The following HDAC7 variants were observed in gnomAD, a reference collection of about 807,000 sequenced individuals.
The protein encoded by HDAC7 is histone deacetylase 7, also known as histone deacetylase 7A.
Under a neutral mutation model 115.5 loss-of-function variants are expected in HDAC7, and 26 were observed. The observed-to-expected ratio is 0.23, with a 90% confidence interval of 0.16 to 0.31. HDAC7 has a LOEUF of 0.31. Among genes scored for constraint, HDAC7 ranks in the 10% least tolerant of loss-of-function variants. The pLI, the probability that HDAC7 is intolerant of heterozygous loss-of-function variation, is 1.00. For synonymous variants in HDAC7, 564 were observed against 550.9 expected (o/e 1.02, Z -0.33); for missense variants, 1,068 against 1,329.0 (o/e 0.80, Z 3.05).
chr12:47,818,887 G>C lies in HDAC7; in HGVS notation c.19+880C>G, dbSNP rs557571798. Among the ~76,000 whole-genome samples the C allele has an allele frequency of 4.6e-5, 7 of 152,336 alleles. No homozygotes were observed. In the East Asian group the frequency reaches 9.7e-4, roughly 21 times the overall value. On this transcript the variant is annotated intron_variant, in intron 1 of 25. Coordinates refer to ENST00000080059, the MANE Select transcript of HDAC7 (RefSeq NM_015401.5). Reference sequence around the variant, plus strand: ...CGGGCAGCCACAGCGGGAAGCAATGGGGGTGGGGCACTGGGTGGCCTGCGG... The same window carrying C: ...CGGGCAGCCACAGCGGGAAGCAATGCGGGTGGGGCACTGGGTGGCCTGCGG...
Position 47,803,455 on chromosome 12 carries a change from G to A in HDAC7, c.20-1181C>T, listed in dbSNP as rs561497601. Among the ~76,000 whole-genome samples, 1 of 152,300 alleles carries A rather than the reference G, an allele frequency of 6.6e-6. No individual in the cohort carries two copies. The highest frequency in any genetic ancestry group is 1.9e-4 in the East Asian group (1 of 5,188). On this transcript the variant is annotated intron_variant, in intron 1 of 25. Coordinates refer to ENST00000080059, the MANE Select transcript of HDAC7 (RefSeq NM_015401.5). The surrounding 1 kb of genome is among the most constrained non-coding windows in gnomAD (Gnocchi z 4.0). Reference sequence around the variant, plus strand: ...GCCTGGGCACAGGGAGACTCCCACCGACTGCCCCTCAAACCAGCCCATGCT... The same window carrying A: ...GCCTGGGCACAGGGAGACTCCCACCAACTGCCCCTCAAACCAGCCCATGCT...
In HDAC7 at chr12:47,789,344, A is replaced by G; in HGVS notation, c.2152T>C (p.Phe718Leu). ...ATGGCCACTGAGTTGAAGAAGCAGA[A>G]GCCCCTGGAAGGAGAGACAGGTCCT... Reference protein sequence around the residue: ...HHADHSTAMGFCFFNSVAIAC... With the variant: ...HHADHSTAMGLCFFNSVAIAC... Residue 718 changes from phenylalanine to leucine, a missense_variant, in exon 19 of 26, where the codon TTC (phenylalanine) becomes CTC (leucine). By Grantham distance (22) the Phe-to-Leu change is conservative. Around this residue, in one of 6 missense-constraint regions of HDAC7, gnomAD observed 182 missense variants for 301.1 expected, o/e 0.60. Transcript: ENST00000080059. The G allele has an allele frequency of 6.2e-7, 1 of 1,613,732 alleles. No individual in the cohort carries two copies. Among genetic ancestry groups the G allele is most frequent in the Non-Finnish European group, 8.5e-7 (1 of 1,179,848 alleles).
intron 1 of HDAC7, among the ~76,000 whole-genome samples, chr12:47,812,481 T>A (rs949176922): frequency 6.6e-6 from 1 of 152,242 alleles, no homozygotes; most frequent in Admixed American, 6.5e-5. Context: ...TTACATTATC[T>A]CCTTTAATCT....
intron 1 of HDAC7, among the ~76,000 whole-genome samples, chr12:47,807,684 A>G (rs973513351): frequency 2.0e-5 from 3 of 152,130 alleles, no homozygotes; most frequent in Non-Finnish European, 4.4e-5. Flanking sequence ...GCCAGCAGCA[A>G]TCCCCAGCCC....
chr12:47,797,855 GGTGTGTGTGTGTGTGT>G lies in HDAC7; in HGVS notation c.461+237_461+252del, dbSNP rs373121556. On this transcript the variant is annotated intron_variant, in intron 5 of 25. Coordinates refer to ENST00000080059, the MANE Select transcript of HDAC7 (RefSeq NM_015401.5). The surrounding 1 kb of genome is among the most constrained non-coding windows in gnomAD (Gnocchi z 5.5). ...TCATGTGCAAGAAAAAAGCCAGTAG[GGTGTGTGTGTGTGTGT>G]GTGTGTGTGTGTGTGTGTGTGTGTG... Among the ~76,000 whole-genome samples the G allele has an allele frequency of 4.8e-3, 591 of 123,944 alleles. 20 individuals are homozygous for G. The East Asian group carries it at 0.098, about 21-fold the overall frequency. The allele number at this position is 123,944 out of a possible 152,430, so 81.3% of individuals were successfully genotyped here. A position where few individuals can be genotyped will look rare whatever the true frequency, so the allele number is the denominator to read the frequency against.
At chr12:47,787,242 C>G (rs1390232171) in intron 21 of HDAC7, among the ~76,000 whole-genome samples, 1 of 53,902 alleles carries the variant, frequency 1.9e-5, no homozygotes, top group Non-Finnish European at 3.7e-5. Context: ...CTTCCAGGCC[C>G]CCCCCCAGCT....
In HDAC7 at chr12:47,797,296, GCCC is replaced by G; in HGVS notation, c.577+85_577+87del. On this transcript the variant is annotated intron_variant, in intron 6 of 25. Coordinates refer to ENST00000080059, the MANE Select transcript of HDAC7 (RefSeq NM_015401.5). The surrounding 1 kb of genome is among the most constrained non-coding windows in gnomAD (Gnocchi z 5.5). The stretch of plus-strand genomic sequence containing the variant: ...ACCGATGATCTCCTGGCCCAGCCCA[GCCC>G]GCCCACCCCTGCACACTCCTCCCCC... 2.3e-6 allele frequency: 2 copies of G among 870,720 alleles called. No individual in the cohort carries two copies. The highest frequency in any genetic ancestry group is 1.4e-5 in the South Asian group (1 of 70,742). The allele number at this position is 870,720 out of a possible 1,614,324, so 53.9% of individuals were successfully genotyped here. A position where few individuals can be genotyped will look rare whatever the true frequency, so the allele number is the denominator to read the frequency against.
At chr12:47,804,308 C>T (rs1944296999) in intron 1 of HDAC7, among the ~76,000 whole-genome samples, 1 of 152,140 alleles carries the variant, frequency 6.6e-6, no homozygotes, top group Admixed American at 6.5e-5. Flanking sequence ...TGAGGGCCAT[C>T]AAGTTCAGAA....
rs780838385 is a variant in HDAC7, at chr12:47,783,836, G to C, written c.*5C>G. The C allele has an allele frequency of 6.2e-7, 1 of 1,610,670 alleles. No homozygotes were observed. The highest frequency in any genetic ancestry group is 8.5e-7 in the Non-Finnish European group (1 of 1,179,014). On this transcript the variant is annotated 3_prime_UTR_variant, in exon 26 of 26. Transcript: ENST00000080059. ...CATGGTGGGCGGGCAGATGGTTCCA[G>C]AGCCTTAGAGATTCATAGGTTCTTC...
chr12:47,801,291 A>G (rs1944153837), intron 2 of HDAC7, among the ~76,000 whole-genome samples: 1 of 152,236 alleles, frequency 6.6e-6, no homozygotes, highest in African/African-American at 2.4e-5. Context: ...CACCTGGAAT[A>G]GTACCTAGCA....
rs913420814 is a variant in HDAC7, at chr12:47,798,867, A to G, written c.176T>C (p.Leu59Pro). The G allele has an allele frequency of 6.4e-7, 1 of 1,554,764 alleles. No homozygotes were observed. Among genetic ancestry groups the G allele is most frequent in the South Asian group, 1.2e-5 (1 of 83,842 alleles). ...CAGGCGCTGGGGACGCTGCAGGGCC[A>G]GCAATGTGGGCTCTGGTGGGGGCTC... Reference protein sequence around the residue: ...PVEPPPEPTLLALQRPQRLHH... With the variant: ...PVEPPPEPTLPALQRPQRLHH... The change falls in exon 3 of 26, where the codon CTG (leucine) becomes CCG (proline). Residue 59 changes from leucine (L) to proline (P), a missense_variant. Leu to Pro is a moderately conservative substitution (Grantham distance 98, BLOSUM62 -3). Around this residue, in one of 6 missense-constraint regions of HDAC7, gnomAD observed 161 missense variants for 158.5 expected, o/e 1.02. Coordinates refer to ENST00000080059, the MANE Select transcript of HDAC7 (RefSeq NM_015401.5). The surrounding 1 kb of genome is among the most constrained non-coding windows in gnomAD (Gnocchi z 4.3).
chr12:47,784,094 A>T lies in HDAC7; in HGVS notation c.2915T>A (p.Ile972Asn), dbSNP rs1943015156. The T allele has an allele frequency of 1.2e-6, 2 of 1,613,550 alleles. No homozygotes were observed. Among genetic ancestry groups the T allele is most frequent in the Middle Eastern group, 1.7e-4 (1 of 6,024 alleles). The change falls in exon 25 of 26, where the codon ATC (isoleucine) becomes AAC (asparagine). Residue 972 changes from isoleucine to asparagine, a missense_variant. Transcript: ENST00000080059. The part of the protein sequence containing the change: ...VTALASLSVG[I>N]LAEDRPSEQL... ...CTGGCATTACCTATCTTCAGCCAGG[A>T]TGCCCACAGAGAGGGACGCCAGTGC...
At chr12:47,788,632 G>A (rs1943304725) in intron 19 of HDAC7, 3 of 154,416 alleles carry the variant, frequency 1.9e-5, no homozygotes, top group Admixed American at 1.3e-4. Context: ...CGACTCACAG[G>A]ACCATGCGGG....
At chr12:47,796,176 C>G in intron 8 of HDAC7, 31 bp downstream of exon 8, 8 of 1,584,580 alleles carry the variant, frequency 5.0e-6, no homozygotes, top group Non-Finnish European at 5.2e-6. Flanking sequence ...CAGAACTGCC[C>G]CAGGAGAGCC....
intron 2 of HDAC7, among the ~76,000 whole-genome samples, chr12:47,799,661 C>G (rs998531550): frequency 6.6e-5 from 10 of 152,240 alleles, no homozygotes; most frequent in African/African-American, 1.9e-4. Flanking sequence ...AGCTCTGGGC[C>G]TGGCATGGTC....
rs1469876091 is a variant in HDAC7, at chr12:47,791,905, C to A, written c.1778G>T (p.Arg593Leu). The A allele has an allele frequency of 6.2e-7, 1 of 1,611,600 alleles. No homozygotes were observed. Among genetic ancestry groups the A allele is most frequent in the South Asian group, 1.1e-5 (1 of 90,832 alleles). ...GCTCCGGAGCCCCCGCTCCTGCAGC[C>A]GGGACCAGATGCTCTGGATGCGGCC... ...HAGRIQSIWS[R>L]LQERGLRSQC... Residue 593 changes from arginine (R) to leucine (L), a missense_variant, in exon 14 of 26, where the codon CGG becomes CTG. Around this residue, in one of 6 missense-constraint regions of HDAC7, gnomAD observed 618 missense variants for 701.5 expected, o/e 0.88. Transcript: ENST00000080059.
intron 24 of HDAC7, chr12:47,784,442 T>A: frequency 1.7e-6 from 1 of 604,558 alleles, no homozygotes; most frequent in Non-Finnish European, 2.9e-6. Context: ...TGTGAGGGAG[T>A]CCTAGCAGGT....
In HDAC7 at chr12:47,789,454, T is replaced by G. The variant is rs1592637136; in HGVS notation, c.2147+69A>C. 3 of 1,583,534 alleles carry G rather than the reference T, an allele frequency of 1.9e-6. No individual in the cohort carries two copies. In the East Asian group the frequency reaches 6.7e-5, roughly 35 times the overall value. Reference sequence around the variant, plus strand: ...AGAAAGCTCAGGGAAGAAGAGAGAATGTCCCTGAAGGAAGTTCCTGGGGGC... The same window carrying G: ...AGAAAGCTCAGGGAAGAAGAGAGAAGGTCCCTGAAGGAAGTTCCTGGGGGC... On this transcript the variant is annotated intron_variant, in intron 18 of 25. Coordinates refer to ENST00000080059, the MANE Select transcript of HDAC7 (RefSeq NM_015401.5).
At chr12:47,806,230 G>A (rs1035048532) in intron 1 of HDAC7, among the ~76,000 whole-genome samples, 2 of 152,268 alleles carry the variant, frequency 1.3e-5, no homozygotes, top group Non-Finnish European at 2.9e-5. Context: ...GCCACAAACT[G>A]TGAGGGAATT....
Sources: gnomAD v4.1 joint callset for allele counts (sites outside exome capture counted in the v4.1 genomes callset) on GRCh38, gnomAD v4.1.1 for gene constraint, gnomAD v4.1.1 regional missense constraint, Gnocchi (gnomAD v3.1) non-coding constraint, MANE v1.5 for transcripts, NCBI Gene and HGNC (gene_info 2026-07-23, HGNC 2026-07-21) for gene names.